Variants in CACNA2D2 observed in about 807,000 individuals in gnomAD.
CACNA2D2 encodes voltage-dependent calcium channel subunit alpha-2/delta-2.
In CACNA2D2, 48 loss-of-function variants were observed where a neutral mutation model predicts 166.4. The ratio of observed to expected loss-of-function variants is 0.29; its 90% CI spans 0.23 to 0.37. CACNA2D2 has a LOEUF of 0.37. Among genes scored for constraint, CACNA2D2 ranks in the 10% least tolerant of loss-of-function variants. CACNA2D2 has a pLI of 1.00. For synonymous variants in CACNA2D2, 561 were observed against 573.7 expected (o/e 0.98, Z 0.32); for missense variants, 1,122 against 1,433.0 (o/e 0.78, Z 3.50).
intron 2 of CACNA2D2, among the ~76,000 whole-genome samples, chr3:50,474,876 C>T (rs1047851798): frequency 2.6e-5 from 4 of 152,112 alleles, no homozygotes; most frequent in African/African-American, 7.2e-5. Context: ...CCTCCAAGTG[C>T]GGCTGAGTCA....
intron 3 of CACNA2D2, among the ~76,000 whole-genome samples, chr3:50,431,373 C>T (rs748013827): frequency 2.0e-5 from 3 of 152,114 alleles, no homozygotes. Context: ...TGTCTACAGC[C>T]AGGGGTGCTG....
intron 4 of CACNA2D2, among the ~76,000 whole-genome samples, chr3:50,392,978 A>ATAC (rs1705954625): frequency 6.6e-6 from 1 of 152,152 alleles, no homozygotes; most frequent in African/African-American, 2.4e-5. Context: ...GCCAGGGGTA[A>ATAC]AGGAAGAGTG....
intron 3 of CACNA2D2, among the ~76,000 whole-genome samples, chr3:50,403,432 A>G (rs920829214): frequency 5.3e-5 from 8 of 152,048 alleles, no homozygotes; most frequent in Non-Finnish European, 8.8e-5. Context: ...CTCAGCACCA[A>G]CTTCGCTGGA....
intron 3 of CACNA2D2, among the ~76,000 whole-genome samples, chr3:50,428,427 C>T (rs1217475785): frequency 6.6e-6 from 1 of 152,192 alleles, no homozygotes; most frequent in Non-Finnish European, 1.5e-5. Context: ...ACCTCCTGCC[C>T]CTCTGAATGC....
rs1704000418 is a variant in CACNA2D2 at position 50,362,811 on chromosome 3, A to G, written c.*1855T>C. The G allele has an allele frequency of 4.4e-6, 1 of 229,616 alleles. No homozygotes were observed. The highest frequency in any genetic ancestry group is 1.8e-4 in the South Asian group (1 of 5,488). 14.2% of individuals were successfully genotyped at this position (229,616 alleles called of 1,614,324 possible). ...TGGATGGGAACCATTTGAAGTGAAAATATGAACATTATTTAATAACTGATC... is the reference window on the plus strand; with the variant it reads ...TGGATGGGAACCATTTGAAGTGAAAGTATGAACATTATTTAATAACTGATC... On this transcript the variant is annotated 3_prime_UTR_variant, in exon 38 of 38. Transcript: ENST00000424201.
chr3:50,446,806 G>A (rs1452799802), intron 2 of CACNA2D2, among the ~76,000 whole-genome samples: 2 of 152,222 alleles, frequency 1.3e-5, no homozygotes, highest in Non-Finnish European at 2.9e-5. Context: ...GATTGCAGGG[G>A]GAGGGAGAGC....
chr3:50,403,721 C>A (rs1020128050), intron 3 of CACNA2D2, among the ~76,000 whole-genome samples: 18 of 152,228 alleles, frequency 1.2e-4, no homozygotes, highest in African/African-American at 4.1e-4. Flanking sequence ...TCTCTTCTAC[C>A]ACACTGACAT....
At chr3:50,462,763 G>A (rs1266795370) in intron 2 of CACNA2D2, among the ~76,000 whole-genome samples, 6 of 152,154 alleles carry the variant, frequency 3.9e-5, no homozygotes, top group Non-Finnish European at 8.8e-5. Flanking sequence ...GCTGGAAATG[G>A]AGAGGAGGGG....
Position 50,370,967 on chromosome 3 carries a change from C to T in CACNA2D2, c.1985-587G>A, listed in dbSNP as rs12629047. On this transcript the variant is annotated intron_variant, in intron 22 of 37. Coordinates refer to ENST00000424201, the MANE Select transcript of CACNA2D2 (RefSeq NM_006030.4). ...ATGGCCAAACCGAGGGGGTTTCTCA[C>T]GGGCACAAACAGTCCAACCAGAGAC... is the stretch of plus-strand genomic sequence containing the variant. Among the ~76,000 whole-genome samples, 325 of 152,146 alleles carry T rather than the reference C, an allele frequency of 2.1e-3. 1 individual carries two copies. Among genetic ancestry groups the T allele is most frequent in the East Asian group, 0.018 (91 of 5,166 alleles).
chr3:50,431,393 G>T (rs1708055451), intron 3 of CACNA2D2, among the ~76,000 whole-genome samples: 1 of 152,178 alleles, frequency 6.6e-6, no homozygotes, highest in African/African-American at 2.4e-5. Context: ...GCAGCAGGAG[G>T]AGTTCACTGC....
intron 2 of CACNA2D2, among the ~76,000 whole-genome samples, chr3:50,444,756 G>A (rs929551471): frequency 2.6e-5 from 4 of 152,216 alleles, no homozygotes; most frequent in African/African-American, 9.7e-5. Flanking sequence ...ATCTTAGCAT[G>A]GCAGGTGTGG....
chr3:50,490,446 C>CA (rs1310910627), intron 1 of CACNA2D2, among the ~76,000 whole-genome samples: 11 of 152,144 alleles, frequency 7.2e-5, no homozygotes, highest in Admixed American at 7.2e-4. Context: ...CCCTGCCTCC[C>CA]ACCCCATTAA....
At chr3:50,400,555 G>A (rs1189972081) in intron 3 of CACNA2D2, among the ~76,000 whole-genome samples, 1 of 152,196 alleles carries the variant, frequency 6.6e-6, no homozygotes, top group Non-Finnish European at 1.5e-5. Flanking sequence ...GTCTTGCCCC[G>A]ACCCCACATT....
intron 2 of CACNA2D2, among the ~76,000 whole-genome samples, chr3:50,442,180 C>A (rs2106923106): frequency 6.6e-6 from 1 of 152,308 alleles, no homozygotes; most frequent in South Asian, 2.1e-4. Context: ...GAGAAAGAAT[C>A]AAATGAGGTC....
intron 2 of CACNA2D2, among the ~76,000 whole-genome samples, chr3:50,463,401 C>A (rs1234521206): frequency 2.0e-5 from 3 of 152,122 alleles, no homozygotes; most frequent in African/African-American, 7.2e-5. Context: ...TCAGCTCACG[C>A]AATCCTTCCA....
intron 2 of CACNA2D2, among the ~76,000 whole-genome samples, chr3:50,447,681 T>C (rs1708916090): frequency 6.6e-6 from 1 of 152,114 alleles, no homozygotes; most frequent in Admixed American, 6.5e-5. Context: ...GCTCAGTCAC[T>C]GCTCCTCCAG....
rs1183620980 is a variant in CACNA2D2 at position 50,365,604 on chromosome 3, TGAG to T, written c.2971+26_2971+28del. 1.4e-5 allele frequency: 22 copies of T among 1,573,058 alleles called. No individual in the cohort carries two copies. In the African/African-American group the frequency reaches 2.0e-4, roughly 14 times the overall value. The stretch of plus-strand genomic sequence containing the variant: ...TTAGCTCAGATTGGGGACCCGGACT[TGAG>T]GAGGCGCCTCCAAAGCCCTACCTAC... On this transcript the variant is annotated intron_variant, in intron 34 of 37. Coordinates refer to ENST00000424201, the MANE Select transcript of CACNA2D2 (RefSeq NM_006030.4). This position sits in a 1 kb window ranked among gnomAD's most constrained non-coding sequence, Gnocchi z 4.5.
chr3:50,455,146 C>T lies in CACNA2D2; in HGVS notation c.289-20717G>A, dbSNP rs11715038. On this transcript the variant is annotated intron_variant, in intron 2 of 37. Transcript: ENST00000424201. ...GGTCCAAAGTCCCTGGCCACATGCC[C>T]TCCTGGTATACATGCAGCTGAGCAC... Among the ~76,000 whole-genome samples, 682 of 152,342 alleles carry T rather than the reference C, an allele frequency of 4.5e-3. 1 individual carries two copies. Among genetic ancestry groups the T allele is most frequent in the Middle Eastern group, 0.01 (3 of 294 alleles).
At chr3:50,399,483 T>C (rs1434204994) in intron 3 of CACNA2D2, among the ~76,000 whole-genome samples, 2 of 151,870 alleles carry the variant, frequency 1.3e-5, no homozygotes, top group African/African-American at 4.8e-5. Flanking sequence ...GGCTCTGGGG[T>C]GGAGGCTGGG....
Sources: gnomAD v4.1 joint callset for allele counts (sites outside exome capture counted in the v4.1 genomes callset) on GRCh38, gnomAD v4.1.1 for gene constraint, Gnocchi (gnomAD v3.1) non-coding constraint, MANE v1.5 for transcripts, NCBI Gene and HGNC (gene_info 2026-07-23, HGNC 2026-07-21) for gene names.